UTP20: variants seen among roughly 807,000 people sequenced by gnomAD.
The protein encoded by UTP20 is small subunit processome component 20 homolog.
In UTP20, 164 loss-of-function variants were observed where a neutral mutation model predicts 329.5. The ratio of observed to expected loss-of-function variants is 0.50; its 90% confidence interval spans 0.44 to 0.57. UTP20 has a LOEUF of 0.57. Ranked by LOEUF, UTP20 falls within the 20% of genes least tolerant of loss-of-function variation. UTP20 has a pLI of 0.00. For synonymous variants in UTP20, 1,151 were observed against 1,159.3 expected, an observed-to-expected ratio of 0.99 and a Z score of 0.14; for missense variants, 3,055 against 3,284.2, an observed-to-expected ratio of 0.93 and a Z score of 1.71.
At chr12:101,371,301 C>T (rs374389953) in intron 51 of UTP20, 133 bp downstream of exon 51, 25 of 659,474 alleles carry the variant, frequency 3.8e-5, no homozygotes, top group East Asian at 1.9e-4. Context: ...ACTTGGGCGT[C>T]CTGGTGCAGG....
chr12:101,281,942 A>T (rs1871810658), intron 2 of UTP20, among the ~76,000 whole-genome samples: 1 of 152,068 alleles, frequency 6.6e-6, no homozygotes, highest in Non-Finnish European at 1.5e-5. Context: ...TGACCTCGTG[A>T]TCTGCTCGCC....
At chr12:101,283,981 A>ATT (rs549701822) in intron 2 of UTP20, among the ~76,000 whole-genome samples, 1 of 145,022 alleles carries the variant, frequency 6.9e-6, no homozygotes, top group Non-Finnish European at 1.5e-5. Flanking sequence ...CAGTTTAAGG[A>ATT]TTTTTTTTTT....
intron 15 of UTP20, 57 bp from the exon 16 acceptor site, chr12:101,305,858 G>A: frequency 1.4e-6 from 2 of 1,466,946 alleles, no homozygotes; most frequent in Non-Finnish European, 1.8e-6. Context: ...TTATACTATA[G>A]TCTAGATACT....
Position 101,365,368 on chromosome 12 carries a change from G to C in UTP20, c.5959-91G>C, listed in dbSNP as rs1593450460. 1.3e-5 allele frequency: 12 copies of C among 901,382 alleles called. No individual in the cohort carries two copies. The East Asian group carries it at 3.5e-4, about 26-fold the overall frequency. The allele number at this position is 901,382 out of a possible 1,614,324, so 55.8% of individuals were successfully genotyped here. A position where few individuals can be genotyped will look rare whatever the true frequency, so the allele number is the denominator to read the frequency against. On this transcript the variant is annotated intron_variant, in intron 45 of 61. Coordinates refer to ENST00000261637, the MANE Select transcript of UTP20 (RefSeq NM_014503.3). ...TTAGGAGAAAGCCAAACGTATATTAGAAAGCTAATATATAAAAGAAAACTG... is the reference window on the plus strand; with the variant it reads ...TTAGGAGAAAGCCAAACGTATATTACAAAGCTAATATATAAAAGAAAACTG...
chr12:101,359,207 G>C (rs143646516), intron 43 of UTP20, among the ~76,000 whole-genome samples: 2,127 of 152,138 alleles, frequency 0.014, 28 homozygotes, highest in East Asian at 0.08. Context: ...GGGATTACAG[G>C]CATGAGCCAC....
At position 101,295,481 on chromosome 12, in the gene UTP20, T is replaced by C; in HGVS notation, c.1253T>C (p.Leu418Pro). ...TGATTTTTTTTTTCTTAACTTTAGC[T>C]TTTTCTACCAAGCTTTCTGTCATAT... ...VMFAMKQFEQ[L>P]FLPSFLSYIV... The change falls in exon 12 of 62, where the codon CTT (leucine) becomes CCT (proline). Residue 418 changes from leucine (L) to proline (P), a missense_variant and splice_region_variant. Around this residue, in one of 3 missense-constraint regions of UTP20, gnomAD observed 2,445 missense variants for 2,575.5 expected, o/e 0.95. Transcript: ENST00000261637. 2 of 1,570,624 alleles carry C rather than the reference T, an allele frequency of 1.3e-6. No homozygotes were observed. The highest frequency in any genetic ancestry group is 1.7e-6 in the Non-Finnish European group (2 of 1,155,126).
At chr12:101,359,429 A>G (rs1202877015) in intron 43 of UTP20, among the ~76,000 whole-genome samples, 3 of 151,308 alleles carry the variant, frequency 2.0e-5, no homozygotes, top group African/African-American at 7.3e-5. Context: ...ACTCCAGTGA[A>G]ATGAATGTTT....
chr12:101,320,037 A>G lies in UTP20; in HGVS notation c.2829+402A>G, dbSNP rs184296346. On this transcript the variant is annotated intron_variant, in intron 23 of 61. Coordinates refer to ENST00000261637, the MANE Select transcript of UTP20 (RefSeq NM_014503.3). ...ATCTATTGTAGTCCATTGCAGTCAT[A>G]ATTACGTGGCCCTGAATTTCAGATA... is the stretch of plus-strand genomic sequence containing the variant. 3.9e-5 allele frequency among the ~76,000 whole-genome samples: 6 copies of G among 152,326 alleles called. No individual in the cohort carries two copies. In the East Asian group the frequency reaches 1.2e-3, roughly 29 times the overall value.
intron 22 of UTP20, among the ~76,000 whole-genome samples, chr12:101,319,156 A>T (rs2137258715): frequency 6.6e-6 from 1 of 152,222 alleles, no homozygotes; most frequent in East Asian, 1.9e-4. Context: ...TTACATTATA[A>T]TAAAGTGAGG....
intron 17 of UTP20, among the ~76,000 whole-genome samples, chr12:101,307,949 A>G (rs1359736715): frequency 6.6e-6 from 1 of 152,196 alleles, no homozygotes; most frequent in Non-Finnish European, 1.5e-5. Flanking sequence ...TGACTTGAGA[A>G]TGATTTTCCT....
At position 101,383,182 on chromosome 12, in the gene UTP20, G is replaced by T; in HGVS notation, c.7798G>T (p.Glu2600Ter). Residue 2600 changes from glutamate (E) to a stop codon, truncating the protein, a stop_gained, in exon 59 of 62, where the codon GAG (glutamate) becomes TAG (stop). Transcript: ENST00000261637. LOFTEE classifies it high-confidence loss of function. Reference protein sequence around the residue: ...DGVACADEKAESDGEEKEEVK... With the variant: ...DGVACADEKA ...TGTGGCCTGTGCAGATGAGAAGGCG[G>T]AGTCTGACGGAGAAGAGAAGGAAGA... 6.2e-7 allele frequency: 1 copy of T among 1,614,094 alleles called. No homozygotes were observed. The highest frequency in any genetic ancestry group is 8.5e-7 in the Non-Finnish European group (1 of 1,179,990).
At chr12:101,318,359 G>A (rs1276363821) in intron 22 of UTP20, among the ~76,000 whole-genome samples, 4 of 152,092 alleles carry the variant, frequency 2.6e-5, no homozygotes, top group Non-Finnish European at 4.4e-5. Context: ...CATTTGTTGC[G>A]TATTTCCCCT....
chr12:101,310,595 A>AAAAAAAAAG lies in UTP20; in HGVS notation c.2231+759_2231+760insAAAAAGAAA, dbSNP rs1330692306. Reference sequence around the variant, plus strand: ...TGTCTCCCAAAAAAAAAAAAAAAAAAAAATACATGTTATGGCTCATGTGTA... The same window carrying AAAAAAAAAG: ...TGTCTCCCAAAAAAAAAAAAAAAAAAAAAAAAAAGAAATACATGTTATGGCTCATGTGTA... On this transcript the variant is annotated intron_variant, in intron 19 of 61. Transcript: ENST00000261637. Among the ~76,000 whole-genome samples the AAAAAAAAAG allele has an allele frequency of 3.2e-4, 39 of 121,714 alleles. 3 individuals carry two copies. Among genetic ancestry groups the AAAAAAAAAG allele is most frequent in the Non-Finnish European group, 5.0e-4 (25 of 49,766 alleles). The allele number at this position is 121,714 out of a possible 152,430, so 79.8% of individuals were successfully genotyped here.
chr12:101,359,291 C>A (rs1451172405), intron 43 of UTP20, among the ~76,000 whole-genome samples: 1 of 152,110 alleles, frequency 6.6e-6, no homozygotes, highest in Non-Finnish European at 1.5e-5. Flanking sequence ...GTCTCAAATT[C>A]CTGGCCTCAA....
At chr12:101,357,923 T>C (rs1869779198) in intron 43 of UTP20, among the ~76,000 whole-genome samples, 1 of 152,192 alleles carries the variant, frequency 6.6e-6, no homozygotes, top group South Asian at 2.1e-4. Context: ...CTACAGAAAC[T>C]GCATTTTCAT....
Position 101,372,913 on chromosome 12 carries a change from C to T in UTP20, c.6828C>T (p.Pro2276=), listed in dbSNP as rs992769344. ...TTCTGAAATATATTCTTGACTATCC[C>T]CTGGGTGACAAATTGAGACCAAACT... ...QVFLKYILDY[P]LGDKLRPNLE... The change falls in exon 52 of 62, where the codon CCC becomes CCT. Residue 2276 remains proline, a synonymous_variant. Coordinates refer to ENST00000261637, the MANE Select transcript of UTP20 (RefSeq NM_014503.3). 6.2e-7 allele frequency: 1 copy of T among 1,614,086 alleles called. No homozygotes were observed.
At chr12:101,366,426 G>A in intron 46 of UTP20, 132 bp from the exon 47 acceptor site, 1 of 1,097,960 alleles carries the variant, frequency 9.1e-7, no homozygotes, top group Non-Finnish European at 1.3e-6. Context: ...GGGGGTTTGG[G>A]GAGGGGCAAA....
In UTP20 at chr12:101,292,111, T is replaced by A; in HGVS notation, c.1173+7T>A. The A allele has an allele frequency of 6.2e-7, 1 of 1,611,670 alleles. No individual in the cohort carries two copies. Among genetic ancestry groups the A allele is most frequent in the Non-Finnish European group, 8.5e-7 (1 of 1,179,242 alleles). On this transcript the variant is annotated splice_region_variant and intron_variant, in intron 10 of 61. Transcript: ENST00000261637. ...CAAAGAAACCATAGAAAAAGTAATTTACTTCAACAAATATTAATTGAGCAG... is the reference window on the plus strand; with the variant it reads ...CAAAGAAACCATAGAAAAAGTAATTAACTTCAACAAATATTAATTGAGCAG...
At chr12:101,291,615 G>A in intron 8 of UTP20, 127 bp from the exon 9 acceptor site, 1 of 946,114 alleles carries the variant, frequency 1.1e-6, no homozygotes, top group Non-Finnish European at 1.5e-6. Flanking sequence ...AGTGAGTCCT[G>A]GTAAATGTAT....
Sources: allele counts gnomAD v4.1 joint callset (sites outside exome capture counted in the v4.1 genomes callset), GRCh38; gene constraint gnomAD v4.1.1; regional missense constraint gnomAD v4.1.1; transcripts MANE v1.5; gene names NCBI Gene and HGNC (gene_info 2026-07-23, HGNC 2026-07-21).